DLGAP1: variants seen among roughly 807,000 people sequenced by gnomAD.
DLGAP1 encodes the protein DLG associated protein 1.
DLGAP1 carries 11 observed loss-of-function variants against 90.8 expected under a neutral mutation model. The observed-to-expected ratio is 0.12, with a 90% confidence interval of 0.08 to 0.20. The LOEUF (loss-of-function observed/expected upper bound fraction) is 0.20. Among genes scored for constraint, DLGAP1 ranks in the 10% least tolerant of loss-of-function variants. The pLI is 1.00. For synonymous variants in DLGAP1, 558 were observed against 540.7 expected, an observed-to-expected ratio of 1.03 and a Z score of -0.44; for missense variants, 1,050 against 1,333.8, an observed-to-expected ratio of 0.79 and a Z score of 3.31.
intron 3 of DLGAP1, among the ~76,000 whole-genome samples, chr18:4,002,754 C>G (rs1323373561): frequency 6.6e-6 from 1 of 152,140 alleles, no homozygotes; most frequent in Non-Finnish European, 1.5e-5. Flanking sequence ...CCACATTATT[C>G]CGGGGTCAAC....
intron 3 of DLGAP1, among the ~76,000 whole-genome samples, chr18:3,911,994 CT>C (rs2072045608): frequency 6.6e-6 from 1 of 152,188 alleles, no homozygotes; most frequent in African/African-American, 2.4e-5. Context: ...GATTCAAGTC[CT>C]GTCGAATCAA....
intron 10 of DLGAP1, among the ~76,000 whole-genome samples, chr18:3,525,978 C>A (rs1031897080): frequency 6.6e-6 from 1 of 152,158 alleles, no homozygotes; most frequent in Non-Finnish European, 1.5e-5. Context: ...CTGTGCAAAG[C>A]GGCATGAATG....
intron 5 of DLGAP1, among the ~76,000 whole-genome samples, chr18:3,779,584 C>G (rs1457761703): frequency 6.6e-6 from 1 of 152,116 alleles, no homozygotes; most frequent in African/African-American, 2.4e-5. Context: ...TTTGTTCATG[C>G]TGCCCCATTG....
chr18:4,418,695 C>G (rs1446520889), intron 1 of DLGAP1, among the ~76,000 whole-genome samples: 5 of 151,976 alleles, frequency 3.3e-5, no homozygotes, highest in African/African-American at 9.7e-5. Context: ...AAAAATGCAG[C>G]AGAGTATCCA....
intron 1 of DLGAP1, among the ~76,000 whole-genome samples, chr18:4,227,302 C>G (rs1050699402): frequency 2.0e-5 from 3 of 151,892 alleles, no homozygotes; most frequent in Non-Finnish European, 2.9e-5. Flanking sequence ...ATGACCCAGA[C>G]AGAAAAATCA....
chr18:4,008,619 T>C (rs2074353525), intron 2 of DLGAP1, among the ~76,000 whole-genome samples: 1 of 152,212 alleles, frequency 6.6e-6, no homozygotes, highest in Non-Finnish European at 1.5e-5. Flanking sequence ...TTTTGAACTT[T>C]CCAATTGCTC....
At chr18:4,356,901 TG>T (rs2081528077) in intron 1 of DLGAP1, among the ~76,000 whole-genome samples, 1 of 152,124 alleles carries the variant, frequency 6.6e-6, no homozygotes, top group South Asian at 2.1e-4. Context: ...GCCACATACA[TG>T]TCACAGGACC....
At chr18:4,435,751 C>A (rs1044763022) in intron 1 of DLGAP1, among the ~76,000 whole-genome samples, 1 of 152,092 alleles carries the variant, frequency 6.6e-6, no homozygotes, top group Non-Finnish European at 1.5e-5. Context: ...TAAAAGCTGC[C>A]CAACTTCTGA....
chr18:4,059,094 C>T (rs1002412396), intron 2 of DLGAP1, among the ~76,000 whole-genome samples: 4 of 152,110 alleles, frequency 2.6e-5, no homozygotes, highest in African/African-American at 9.7e-5. Context: ...CAGTACATTT[C>T]AAAACCCCAA....
At chr18:3,674,991 C>T (rs1598302916) in intron 7 of DLGAP1, among the ~76,000 whole-genome samples, 1 of 150,998 alleles carries the variant, frequency 6.6e-6, no homozygotes, top group Admixed American at 6.6e-5. Flanking sequence ...CCATTCACCT[C>T]CACTATCAGT....
At chr18:4,328,461 T>TA (rs1449771457) in intron 1 of DLGAP1, among the ~76,000 whole-genome samples, 2 of 151,966 alleles carry the variant, frequency 1.3e-5, no homozygotes, top group Non-Finnish European at 2.9e-5. Context: ...GATGGGCACT[T>TA]AGAGTTGTTT....
intron 2 of DLGAP1, among the ~76,000 whole-genome samples, chr18:4,014,431 T>A (rs1288521812): frequency 2.0e-5 from 3 of 152,102 alleles, no homozygotes; most frequent in African/African-American, 4.8e-5. Flanking sequence ...GAGATGTTGG[T>A]CAAGGGGTAT....
Position 3,711,684 on chromosome 18 carries a change from T to G in DLGAP1, c.1591+17451A>C, listed in dbSNP as rs1243221212. Among the ~76,000 whole-genome samples, 1 of 151,550 alleles carries G rather than the reference T, an allele frequency of 6.6e-6. No homozygotes were observed. Among genetic ancestry groups the G allele is most frequent in the Non-Finnish European group, 1.5e-5 (1 of 67,892 alleles). On this transcript the variant is annotated intron_variant, in intron 7 of 12. Transcript: ENST00000315677. The surrounding 1 kb of genome is among the most constrained non-coding windows in gnomAD (Gnocchi z 4.0). Reference sequence around the variant, plus strand: ...CAAAGCTCCATCTCTACAAAGAAAATTAAAATATTAGCTGGCTCAGTGGCA... The same window carrying G: ...CAAAGCTCCATCTCTACAAAGAAAAGTAAAATATTAGCTGGCTCAGTGGCA...
At chr18:3,741,484 A>G (rs1170572675) in intron 6 of DLGAP1, among the ~76,000 whole-genome samples, 1 of 150,646 alleles carries the variant, frequency 6.6e-6, no homozygotes, top group African/African-American at 2.5e-5. Context: ...TACTATCACT[A>G]CCACTACCAC....
chr18:4,307,782 C>G (rs2143397938), intron 1 of DLGAP1, among the ~76,000 whole-genome samples: 1 of 145,272 alleles, frequency 6.9e-6, no homozygotes, highest in South Asian at 2.2e-4. Context: ...GTGGCATGAT[C>G]TCAGCTCACT....
At chr18:4,198,137 C>T (rs1209880136) in intron 1 of DLGAP1, among the ~76,000 whole-genome samples, 4 of 152,058 alleles carry the variant, frequency 2.6e-5, no homozygotes, top group African/African-American at 7.2e-5. Flanking sequence ...GGCAGAATGG[C>T]GTGAATCCAG....
intron 3 of DLGAP1, among the ~76,000 whole-genome samples, chr18:3,909,551 TATTA>T (rs1271542106): frequency 2.6e-5 from 4 of 151,388 alleles, no homozygotes; most frequent in East Asian, 1.9e-4. Flanking sequence ...TTGATTTTTT[TATTA>T]ATTAGTGATG....
rs147897607 is a variant in DLGAP1, at chr18:3,582,811, G to A, written c.1592-563C>T. On this transcript the variant is annotated intron_variant, in intron 7 of 12. Coordinates refer to ENST00000315677, the MANE Select transcript of DLGAP1 (RefSeq NM_004746.4). ...TGGTAGCTGCTGCAACTTGTTTATC[G>A]AAGCCAGTTCCTTCCTTCCTTCTTT... Among the ~76,000 whole-genome samples, 1,045 of 151,936 alleles carry A rather than the reference G, an allele frequency of 6.9e-3. 15 individuals carry two copies. Among genetic ancestry groups the A allele is most frequent in the African/African-American group, 0.024 (997 of 41,424 alleles).
intron 3 of DLGAP1, among the ~76,000 whole-genome samples, chr18:3,943,625 A>T (rs912170979): frequency 6.6e-6 from 1 of 152,188 alleles, no homozygotes; most frequent in Non-Finnish European, 1.5e-5. Context: ...AACTGGCATG[A>T]AAAAGAAACC....
Sources: gnomAD v4.1 joint callset for allele counts (sites outside exome capture counted in the v4.1 genomes callset) on GRCh38, gnomAD v4.1.1 for gene constraint, Gnocchi (gnomAD v3.1) non-coding constraint, MANE v1.5 for transcripts, NCBI Gene and HGNC (gene_info 2026-07-23, HGNC 2026-07-21) for gene names.